SH3BGRL: variants seen among roughly 807,000 people sequenced by gnomAD.
The protein encoded by SH3BGRL is adapter SH3BGRL.
A neutral mutation model predicts 9.8 loss-of-function variants in SH3BGRL; 7 were observed. The observed-to-expected ratio is 0.72, with a 90% CI of 0.41 to 1.35. The LOEUF (loss-of-function observed/expected upper bound fraction) is 1.35, where lower values mean the gene tolerates loss of function less well. SH3BGRL is among the 40% of genes most tolerant of loss of function. The probability of loss-of-function intolerance (pLI) is 0.01; values close to 1 mark genes in which losing one functional copy is unlikely to be tolerated. For synonymous variants in SH3BGRL, 36 were observed against 29.1 expected (o/e 1.24, Z -0.76); for missense variants, 73 against 84.4 (o/e 0.86, Z 0.53).
intron 2 of SH3BGRL, among the ~76,000 whole-genome samples, chrX:81,277,696 A>G (rs1326415406): frequency 8.9e-6 from 1 of 112,395 alleles, no homozygotes; most frequent in Non-Finnish European, 1.9e-5. Context: ...GACCAGAAAT[A>G]AACATCTTCT....
chrX:81,281,617 G>A (rs1216950481), intron 3 of SH3BGRL, among the ~76,000 whole-genome samples: 1 of 112,060 alleles, frequency 8.9e-6, no homozygotes, highest in Non-Finnish European at 1.9e-5. Context: ...ACAAACAAAT[G>A]CTGAGAGAAT....
At chrX:81,291,062 A>G (rs986268357) in intron 3 of SH3BGRL, among the ~76,000 whole-genome samples, 8 of 111,873 alleles carry the variant, frequency 7.2e-5, no homozygotes, top group Admixed American at 4.7e-4. Context: ...AGCTTGTTCT[A>G]TAAAATGAAG....
chrX:81,217,078 C>T (rs1216193523), intron 1 of SH3BGRL, among the ~76,000 whole-genome samples: 1 of 109,614 alleles, frequency 9.1e-6, no homozygotes, highest in African/African-American at 3.3e-5. Context: ...ATGAGGGTTC[C>T]CGTTTCTCCA....
intron 1 of SH3BGRL, 170 bp downstream of exon 1, chrX:81,202,415 AT>A (rs35063255): frequency 0.04 from 28,668 of 708,502 alleles, 9 homozygotes; most frequent in Middle Eastern, 0.048. Flanking sequence ...CATCGATTTC[AT>A]TTTTTTTTTT....
chrX:81,249,136 A>C (rs1286033935), intron 1 of SH3BGRL, among the ~76,000 whole-genome samples: 2 of 112,397 alleles, frequency 1.8e-5, no homozygotes, highest in Non-Finnish European at 1.9e-5. Flanking sequence ...AACAAAAAAA[A>C]CAAAAAATCT....
At chrX:81,235,689 A>G (rs1283778164) in intron 1 of SH3BGRL, among the ~76,000 whole-genome samples, 1 of 111,085 alleles carries the variant, frequency 9.0e-6, no homozygotes, top group South Asian at 3.8e-4. Flanking sequence ...AATTAGTTCA[A>G]ATTTTTATTT....
At chrX:81,278,836 G>C (rs1394521024) in intron 3 of SH3BGRL, among the ~76,000 whole-genome samples, 1 of 112,014 alleles carries the variant, frequency 8.9e-6, no homozygotes, top group Non-Finnish European at 1.9e-5. Context: ...AGTTAATTAA[G>C]AGCATCTGCA....
chrX:81,258,374 C>T (rs969088153), intron 1 of SH3BGRL, among the ~76,000 whole-genome samples: 16 of 112,003 alleles, frequency 1.4e-4, no homozygotes, highest in Non-Finnish European at 3.8e-5. Context: ...AGAATTCTGC[C>T]GTCTTTTGGA....
At chrX:81,278,274 C>A (rs2075804690) in intron 2 of SH3BGRL, 57 bp from the exon 3 acceptor site, 4 of 907,194 alleles carry the variant, frequency 4.4e-6, no homozygotes, top group Non-Finnish European at 6.3e-6. Flanking sequence ...AATAAATTTC[C>A]TTTTTTTCTT....
chrX:81,216,249 A>C (rs981072785), intron 1 of SH3BGRL, among the ~76,000 whole-genome samples: 1 of 110,793 alleles, frequency 9.0e-6, no homozygotes, highest in Non-Finnish European at 1.9e-5. Context: ...TCAGTATTCT[A>C]TATATCAATA....
At chrX:81,267,475 T>C (rs1429533704) in intron 1 of SH3BGRL, among the ~76,000 whole-genome samples, 1 of 112,082 alleles carries the variant, frequency 8.9e-6, no homozygotes, top group East Asian at 2.8e-4. Flanking sequence ...CATGTGCTTC[T>C]TGTCGTTGGT....
chrX:81,281,933 T>C (rs1182206103), intron 3 of SH3BGRL, among the ~76,000 whole-genome samples: 1 of 111,785 alleles, frequency 8.9e-6, no homozygotes, highest in African/African-American at 3.3e-5. Flanking sequence ...ATCTGCTGCC[T>C]TCAGGAGACT....
At position 81,254,914 on chromosome X, in the gene SH3BGRL, T is replaced by C. The variant is rs768021493; in HGVS notation, c.46-22070T>C. Among the ~76,000 whole-genome samples, 97 of 105,352 alleles carry C rather than the reference T, an allele frequency of 9.2e-4. 1 individual carries two copies. Among genetic ancestry groups the C allele is most frequent in the South Asian group, 1.4e-3 (3 of 2,219 alleles). The allele number at this position is 105,352 out of a possible 115,157, so 91.5% of individuals were successfully genotyped here. On this transcript the variant is annotated intron_variant, in intron 1 of 3. Transcript: ENST00000373212. Reference sequence around the variant, plus strand: ...AAGTTTTTTTTTTTTTTTTTTGATATGGAGTCTCGCTCTGTTGCCAGGCTG... The same window carrying C: ...AAGTTTTTTTTTTTTTTTTTTGATACGGAGTCTCGCTCTGTTGCCAGGCTG...
chrX:81,259,673 G>A (rs971521068), intron 1 of SH3BGRL, among the ~76,000 whole-genome samples: 1 of 111,709 alleles, frequency 9.0e-6, no homozygotes, highest in Non-Finnish European at 1.9e-5. Flanking sequence ...TTCAAGGAAG[G>A]CTTTTGCTTT....
intron 1 of SH3BGRL, among the ~76,000 whole-genome samples, chrX:81,211,568 CAG>C (rs1341254747): frequency 1.8e-5 from 2 of 109,668 alleles, no homozygotes; most frequent in East Asian, 2.9e-4. Context: ...GCCTGGGCTA[CAG>C]AGCGAGACTC....
chrX:81,294,996 T>C (rs1828717989), intron 3 of SH3BGRL, among the ~76,000 whole-genome samples: 1 of 112,319 alleles, frequency 8.9e-6, no homozygotes, highest in Non-Finnish European at 1.9e-5. Context: ...GGAACATCTG[T>C]ATTTACCCAA....
chrX:81,279,284 T>C (rs1317376122), intron 3 of SH3BGRL, among the ~76,000 whole-genome samples: 1 of 111,457 alleles, frequency 9.0e-6, no homozygotes, highest in African/African-American at 3.3e-5. Context: ...CTTTGTACAA[T>C]TTGAGCCATA....
At chrX:81,254,710 G>T (rs1050748579) in intron 1 of SH3BGRL, among the ~76,000 whole-genome samples, 2 of 111,405 alleles carry the variant, frequency 1.8e-5, no homozygotes, top group African/African-American at 6.5e-5. Context: ...TCCCAGACCA[G>T]CCTAGAGAGG....
intron 3 of SH3BGRL, among the ~76,000 whole-genome samples, chrX:81,279,061 G>A (rs1263448067): frequency 6.3e-5 from 7 of 111,911 alleles, no homozygotes; most frequent in East Asian, 2.8e-4. Context: ...ATCAAAATGC[G>A]TGTCTCTTGC....
Sources: gnomAD v4.1 joint callset for allele counts (sites outside exome capture counted in the v4.1 genomes callset) on GRCh38, gnomAD v4.1.1 for gene constraint, MANE v1.5 for transcripts, NCBI Gene and HGNC (gene_info 2026-07-23, HGNC 2026-07-21) for gene names.